TJP3: variants seen among roughly 807,000 people sequenced by gnomAD.
The protein encoded by TJP3 is tight junction protein ZO-3.
In TJP3, 85 loss-of-function variants were observed where a neutral mutation model predicts 104.2. The observed-to-expected ratio is 0.82, with a 90% CI of 0.68 to 0.98. The LOEUF is 0.98. TJP3 is among the 50% of genes least tolerant of loss of function. TJP3 has a pLI of 0.00. For missense variants in TJP3, 1,367 were observed against 1,322.8 expected, an observed-to-expected ratio of 1.03 and a Z score of -0.52; for synonymous variants, 550 against 550.6, an observed-to-expected ratio of 1.00 and a Z score of 0.02.
At position 3,730,229 on chromosome 19, in the gene TJP3, T is replaced by C; in HGVS notation, c.261+99T>C. The C allele has an allele frequency of 6.6e-7, 1 of 1,520,406 alleles. No homozygotes were observed. The highest frequency in any genetic ancestry group is 9.1e-7 in the Non-Finnish European group (1 of 1,103,324). 94.2% of individuals were successfully genotyped at this position (1,520,406 alleles called of 1,614,324 possible). On this transcript the variant is annotated intron_variant, in intron 4 of 20. Transcript: ENST00000541714. This position sits in a 1 kb window ranked among gnomAD's most constrained non-coding sequence, Gnocchi z 7.3. ...CTTCTGAGAGCAAGGAGTCATCTTC[T>C]CATCTTACAGTTTGGACATTGAGGC...
chr19:3,748,182 C>T lies in TJP3; in HGVS notation c.2610+101C>T, dbSNP rs1304559051. The stretch of plus-strand genomic sequence containing the variant: ...AGCCTGTTTTCTACCAGGACGTCAA[C>T]AAACACGGCTTCCCTGGTCAGACTG... On this transcript the variant is annotated intron_variant, in intron 19 of 20. Transcript: ENST00000541714. 5 of 1,397,876 alleles carry T rather than the reference C, an allele frequency of 3.6e-6. No individual in the cohort carries two copies. The African/African-American group carries it at 4.4e-5, about 12-fold the overall frequency. The allele number at this position is 1,397,876 out of a possible 1,614,324, so 86.6% of individuals were successfully genotyped here.
In TJP3 at chr19:3,746,903, GCA is replaced by G; in HGVS notation, c.2322+28_2322+29del. On this transcript the variant is annotated intron_variant, in intron 18 of 20. Coordinates refer to ENST00000541714, the MANE Select transcript of TJP3 (RefSeq NM_001267560.2). The surrounding 1 kb of genome is among the most constrained non-coding windows in gnomAD (Gnocchi z 4.1). ...TACTGCCGCGGTGTGGGTGGGTCGG[GCA>G]GGGAGGCCCCACAGACGCTGTGCAG... 1 of 1,459,044 alleles carries G rather than the reference GCA, an allele frequency of 6.9e-7. No homozygotes were observed. The highest frequency in any genetic ancestry group is 9.4e-7 in the Non-Finnish European group (1 of 1,058,618). The allele number at this position is 1,459,044 out of a possible 1,614,324, so 90.4% of individuals were successfully genotyped here.
chr19:3,723,212 C>A (rs149836760), intron 1 of TJP3, among the ~76,000 whole-genome samples: 1 of 152,318 alleles, frequency 6.6e-6, no homozygotes, highest in African/African-American at 2.4e-5. Context: ...GTGGACAAAT[C>A]CACTCTGACA....
At chr19:3,732,269 T>C (rs2145685385) in intron 6 of TJP3, among the ~76,000 whole-genome samples, 1 of 152,266 alleles carries the variant, frequency 6.6e-6, no homozygotes, top group South Asian at 2.1e-4. Context: ...TGGGGTTGTC[T>C]GTTTCTAATA....
chr19:3,748,165 T>A, intron 19 of TJP3, 84 bp downstream of exon 19: 1 of 1,438,594 alleles, frequency 7.0e-7, no homozygotes, highest in Non-Finnish European at 9.2e-7. Context: ...GGAGCCTGTT[T>A]TCTACCAGGA....
chr19:3,750,290 C>A, intron 20 of TJP3, 106 bp downstream of exon 20: 1 of 1,484,622 alleles, frequency 6.7e-7, no homozygotes, highest in Non-Finnish European at 9.4e-7. Flanking sequence ...TGCCCCTAGC[C>A]TAGTGGGGAA....
At position 3,740,772 on chromosome 19, in the gene TJP3, C is replaced by T. The variant is rs759501813; in HGVS notation, c.1843+9C>T. The T allele has an allele frequency of 1.7e-5, 26 of 1,554,562 alleles. No individual in the cohort carries two copies. The highest frequency in any genetic ancestry group is 3.9e-5 in the Admixed American group (2 of 51,032). Reference sequence around the variant, plus strand: ...AGTGGTGTTGCGAGAAGGTGGGGCCCGGAGCTGGAGGGGCCCTGGGGAGGC... The same window carrying T: ...AGTGGTGTTGCGAGAAGGTGGGGCCTGGAGCTGGAGGGGCCCTGGGGAGGC... On this transcript the variant is annotated intron_variant, in intron 14 of 20. Coordinates refer to ENST00000541714, the MANE Select transcript of TJP3 (RefSeq NM_001267560.2).
rs1568388746 is a variant in TJP3, at chr19:3,746,875, AG to A, written c.2322+1del. ...CGGCCCATCTGGACGGCGGAAGATC[AG>A]GTACTGCCGCGGTGTGGGTGGGTCG... Reference protein sequence around the residue: ...QTRPIWTAEDQLDGSLEDNLD... With the variant: ...QTRPIWTAEDXLDGSLEDNLD... On this transcript the variant is annotated frameshift_variant and splice_region_variant, in exon 18 of 21. Coordinates refer to ENST00000541714, the MANE Select transcript of TJP3 (RefSeq NM_001267560.2). LOFTEE classifies it high-confidence loss of function. This position sits in a 1 kb window ranked among gnomAD's most constrained non-coding sequence, Gnocchi z 4.1. 2.5e-6 allele frequency: 3 copies of A among 1,188,416 alleles called. No homozygotes were observed. Among genetic ancestry groups the A allele is most frequent in the Non-Finnish European group, 3.5e-6 (3 of 852,292 alleles). 73.6% of individuals were successfully genotyped at this position (1,188,416 alleles called of 1,614,324 possible).
intron 1 of TJP3, among the ~76,000 whole-genome samples, chr19:3,726,202 G>A (rs2145677633): frequency 6.6e-6 from 1 of 152,342 alleles, no homozygotes; most frequent in East Asian, 1.9e-4. Context: ...TGCCTGGGGA[G>A]CAGGGCATGG....
At chr19:3,723,933 T>C (rs1238694208) in intron 1 of TJP3, among the ~76,000 whole-genome samples, 1 of 151,736 alleles carries the variant, frequency 6.6e-6, no homozygotes, top group African/African-American at 2.4e-5. Context: ...TAGACCTCAG[T>C]GGCAGGGGCC....
intron 1 of TJP3, among the ~76,000 whole-genome samples, chr19:3,722,855 GC>G (rs1439578337): frequency 8.3e-6 from 1 of 120,838 alleles, no homozygotes; most frequent in Non-Finnish European, 1.7e-5. Flanking sequence ...AGATGGGGTG[GC>G]GGGGGGGGGG....
In TJP3 at chr19:3,730,181, C is replaced by T. The variant is rs1326379106; in HGVS notation, c.261+51C>T. 5 of 1,585,800 alleles carry T rather than the reference C, an allele frequency of 3.2e-6. No homozygotes were observed. Among genetic ancestry groups the T allele is most frequent in the Non-Finnish European group, 3.5e-6 (4 of 1,154,856 alleles). ...CAGCATCTCTGACCCCAGCCTGGGT[C>T]GTGCCGCTGTGGGGGTTGTAAGCTT... On this transcript the variant is annotated intron_variant, in intron 4 of 20. Coordinates refer to ENST00000541714, the MANE Select transcript of TJP3 (RefSeq NM_001267560.2). The surrounding 1 kb of genome is among the most constrained non-coding windows in gnomAD (Gnocchi z 7.3).
chr19:3,724,446 C>T (rs1358572894), intron 1 of TJP3, among the ~76,000 whole-genome samples: 1 of 152,232 alleles, frequency 6.6e-6, no homozygotes. Flanking sequence ...CTGCCTGCCT[C>T]AGCCTCCCAA....
chr19:3,745,864 A>G, intron 15 of TJP3, 147 bp from the exon 16 acceptor site: 6 of 669,280 alleles, frequency 9.0e-6, no homozygotes, highest in Non-Finnish European at 1.5e-5. Flanking sequence ...CACTTGGCCA[A>G]CATGAGTTTC....
In TJP3 at chr19:3,735,966, C is replaced by G. The variant is rs375982268; in HGVS notation, c.1127+31C>G. Reference sequence around the variant, plus strand: ...TACCCCAGAAGAAAGCAAACCCGCTCAAAACTCCTACATCCCAGGCTGCCT... The same window carrying G: ...TACCCCAGAAGAAAGCAAACCCGCTGAAAACTCCTACATCCCAGGCTGCCT... On this transcript the variant is annotated intron_variant, in intron 10 of 20. Transcript: ENST00000541714. The G allele has an allele frequency of 2.5e-5, 41 of 1,612,844 alleles. No individual in the cohort carries two copies. The African/African-American group carries it at 4.4e-4, about 17-fold the overall frequency.
intron 1 of TJP3, among the ~76,000 whole-genome samples, chr19:3,724,847 A>G (rs1459756421): frequency 6.6e-6 from 1 of 152,186 alleles, no homozygotes; most frequent in Admixed American, 6.6e-5. Context: ...CCCTGGGGCC[A>G]TTTAATGACA....
chr19:3,726,541 G>T (rs1395453170), intron 1 of TJP3, among the ~76,000 whole-genome samples: 1 of 152,082 alleles, frequency 6.6e-6, no homozygotes, highest in East Asian at 1.9e-4. Flanking sequence ...AGAGGTTGCA[G>T]TGAGCCAAGT....
intron 12 of TJP3, 95 bp from the exon 13 acceptor site, chr19:3,738,802 G>C: frequency 7.3e-7 from 1 of 1,371,034 alleles, no homozygotes; most frequent in Non-Finnish European, 1.0e-6. Context: ...TACAGGGAGA[G>C]TGCCCCAAAT....
intron 14 of TJP3, among the ~76,000 whole-genome samples, chr19:3,742,434 A>G (rs1006972256): frequency 2.0e-5 from 3 of 151,598 alleles, no homozygotes; most frequent in Admixed American, 6.6e-5. Context: ...CTCTGGGGGG[A>G]AAAATGCCTC....
Sources: allele counts gnomAD v4.1 joint callset (sites outside exome capture counted in the v4.1 genomes callset), GRCh38; gene constraint gnomAD v4.1.1; non-coding constraint Gnocchi (gnomAD v3.1); transcripts MANE v1.5; gene names NCBI Gene and HGNC (gene_info 2026-07-23, HGNC 2026-07-21).